Variants in ITGB5 observed in about 807,000 individuals in gnomAD.
ITGB5 encodes integrin subunit beta 5.
In ITGB5, 38 loss-of-function variants were observed where a neutral mutation model predicts 84.8. That is an observed-to-expected ratio of 0.45 (90% CI 0.35 to 0.59). The LOEUF is 0.59. Among genes scored for constraint, ITGB5 ranks in the 20% least tolerant of loss-of-function variants. The probability of loss-of-function intolerance (pLI) is 0.01; values close to 1 mark genes in which losing one functional copy is unlikely to be tolerated. For missense variants in ITGB5, 905 were observed against 1,034.5 expected (o/e 0.87, Z 1.72); for synonymous variants, 393 against 414.4 (o/e 0.95, Z 0.63).
At chr3:124,899,919 G>C (rs1935184880) in intron 1 of ITGB5, among the ~76,000 whole-genome samples, 1 of 138,262 alleles carries the variant, frequency 7.2e-6, no homozygotes, top group Non-Finnish European at 1.5e-5. Flanking sequence ...TTTTAGATGA[G>C]TTACTTTACT....
intron 12 of ITGB5, 138 bp from the exon 13 acceptor site, chr3:124,766,483 G>T: frequency 9.9e-7 from 1 of 1,011,744 alleles, no homozygotes. Flanking sequence ...GGGGAGGCTG[G>T]GCCTTTGAAG....
intron 5 of ITGB5, among the ~76,000 whole-genome samples, chr3:124,839,495 C>T (rs1029025122): frequency 1.3e-5 from 2 of 152,162 alleles, no homozygotes; most frequent in Non-Finnish European, 2.9e-5. Context: ...TATACTCAGA[C>T]ACTGCTTAGG....
intron 4 of ITGB5, among the ~76,000 whole-genome samples, chr3:124,846,984 T>C (rs2030359099): frequency 6.6e-6 from 1 of 152,224 alleles, no homozygotes. Flanking sequence ...TGTATTCATA[T>C]TCCAGCTCTA....
upstream of ITGB5, among the ~76,000 whole-genome samples, chr3:124,891,869 T>G (rs1254364320): frequency 1.3e-5 from 2 of 151,592 alleles, no homozygotes. Flanking sequence ...CCATGAGCCA[T>G]GATTGCACCA....
chr3:124,835,082 G>A (rs1181336054), intron 5 of ITGB5, among the ~76,000 whole-genome samples: 2 of 152,182 alleles, frequency 1.3e-5, no homozygotes, highest in African/African-American at 2.4e-5. Flanking sequence ...CCACCAGCAC[G>A]TGTAGACACC....
intron 10 of ITGB5, among the ~76,000 whole-genome samples, chr3:124,782,882 G>A (rs2064024593): frequency 1.3e-5 from 2 of 151,884 alleles, no homozygotes; most frequent in African/African-American, 2.4e-5. Context: ...AAAAAAAAAT[G>A]TGGTTGTGAA....
chr3:124,836,864 C>T (rs2064941864), intron 5 of ITGB5, among the ~76,000 whole-genome samples: 1 of 152,242 alleles, frequency 6.6e-6, no homozygotes, highest in East Asian at 1.9e-4. Context: ...CTTACTCATC[C>T]AACTATTTTT....
In ITGB5 at chr3:124,841,490, C is replaced by A. The variant is rs748616778; in HGVS notation, c.673G>T (p.Asp225Tyr). The A allele has an allele frequency of 6.2e-7, 1 of 1,614,208 alleles. No homozygotes were observed. Among genetic ancestry groups the A allele is most frequent in the Non-Finnish European group, 8.5e-7 (1 of 1,180,030 alleles). ...TCCTCATTGAAGCTGTCCACTCTGT[C>A]TGTGAGAGGCAGCAGATGGCGGAAC... ...FGFRHLLPLT[D>Y]RVDSFNEEVR... Residue 225 changes from aspartate (D) to tyrosine (Y), a missense_variant, in exon 5 of 15, where the codon GAC becomes TAC. By Grantham distance (160) the Asp-to-Tyr change is radical. This residue lies in a region of ITGB5 where 656 missense variants were observed against 734.7 expected (regional missense o/e 0.89). Transcript: ENST00000296181.
intron 10 of ITGB5, chr3:124,780,800 C>T (rs2063994306): frequency 6.5e-6 from 1 of 153,152 alleles, no homozygotes; most frequent in African/African-American, 2.4e-5. Flanking sequence ...CTCTTCCCCT[C>T]TCCTCCGAAA....
chr3:124,847,984 C>T (rs1194363111), intron 4 of ITGB5, among the ~76,000 whole-genome samples: 1 of 152,176 alleles, frequency 6.6e-6, no homozygotes, highest in African/African-American at 2.4e-5. Context: ...GTTGCCCTGC[C>T]TGCTGCCTCC....
intron 1 of ITGB5, among the ~76,000 whole-genome samples, chr3:124,894,274 C>T (rs1477169559): frequency 1.3e-5 from 2 of 151,580 alleles, no homozygotes; most frequent in Non-Finnish European, 2.9e-5. Context: ...GCTGGGACTA[C>T]AGGCGCCCAC....
chr3:124,794,368 C>T (rs1346481921), intron 10 of ITGB5, among the ~76,000 whole-genome samples: 1 of 152,144 alleles, frequency 6.6e-6, no homozygotes, highest in Non-Finnish European at 1.5e-5. Context: ...ACACAACACA[C>T]TAAAAAAGTA....
intron 2 of ITGB5, among the ~76,000 whole-genome samples, chr3:124,870,034 G>A (rs1414639975): frequency 6.6e-6 from 1 of 152,182 alleles, no homozygotes; most frequent in Non-Finnish European, 1.5e-5. Context: ...CAGTCATGCT[G>A]GAGGGTGGGA....
chr3:124,790,711 T>TC (rs1271074869), intron 10 of ITGB5, among the ~76,000 whole-genome samples: 2 of 152,176 alleles, frequency 1.3e-5, no homozygotes, highest in East Asian at 3.9e-4. Context: ...TTCTTCTTGT[T>TC]CTTTTTTTTT....
At chr3:124,831,009 A>C (rs79029604) in intron 5 of ITGB5, among the ~76,000 whole-genome samples, 31,769 of 152,048 alleles carry the variant, frequency 0.21, 3,435 homozygotes, top group Admixed American at 0.23. Flanking sequence ...ACAACAACAA[A>C]AAAACAAGAA....
In ITGB5 at chr3:124,819,925, T is replaced by C. The variant is rs1051540448; in HGVS notation, c.943-91A>G. On this transcript the variant is annotated intron_variant, in intron 6 of 14. Coordinates refer to ENST00000296181, the MANE Select transcript of ITGB5 (RefSeq NM_002213.5). ...CAATGCACAGTCAGCAGCCAGCATT[T>C]GCCAGGGAAGCACCTTTTCCTTAGG... The C allele has an allele frequency of 3.9e-5, 37 of 948,426 alleles. 1 individual carries two copies. The African/African-American group carries it at 5.8e-4, about 15-fold the overall frequency. The allele number at this position is 948,426 out of a possible 1,614,324, so 58.8% of individuals were successfully genotyped here.
intron 5 of ITGB5, among the ~76,000 whole-genome samples, chr3:124,825,227 A>C (rs2064769010): frequency 6.6e-6 from 1 of 151,960 alleles, no homozygotes; most frequent in South Asian, 2.1e-4. Flanking sequence ...TGGAAAGATT[A>C]GAACTCTCAT....
At chr3:124,810,393 G>T (rs1270223139) in intron 8 of ITGB5, among the ~76,000 whole-genome samples, 1 of 152,096 alleles carries the variant, frequency 6.6e-6, no homozygotes, top group South Asian at 2.1e-4. Context: ...CTTGGTGCTG[G>T]ATACTCAGGT....
rs776043862 is a variant in ITGB5 at position 124,763,650 on chromosome 3, G to C, written c.2373C>G (p.Asn791Lys). Reference protein sequence around the residue: ...HTVDFTFNKFNKSYNGTVD With the variant: ...HTVDFTFNKFKKSYNGTVD ...AGTCCACAGTGCCATTGTAGGATTTGTTGAACTTGTTGAAGGTGAAGTCCA... is the reference window on the plus strand; with the variant it reads ...AGTCCACAGTGCCATTGTAGGATTTCTTGAACTTGTTGAAGGTGAAGTCCA... The change falls in exon 15 of 15, where the codon AAC becomes AAG. Residue 791 changes from asparagine to lysine, a missense_variant. Coordinates refer to ENST00000296181, the MANE Select transcript of ITGB5 (RefSeq NM_002213.5). 4.8e-6 allele frequency: 6 copies of C among 1,248,220 alleles called. No homozygotes were observed. Among genetic ancestry groups the C allele is most frequent in the Non-Finnish European group, 6.7e-6 (6 of 895,588 alleles). 77.3% of individuals were successfully genotyped at this position (1,248,220 alleles called of 1,614,324 possible).
Sources: allele counts gnomAD v4.1 joint callset (sites outside exome capture counted in the v4.1 genomes callset), GRCh38; gene constraint gnomAD v4.1.1; regional missense constraint gnomAD v4.1.1; transcripts MANE v1.5; gene names NCBI Gene and HGNC (gene_info 2026-07-23, HGNC 2026-07-21).